DSCAML1: variants seen among roughly 807,000 people sequenced by gnomAD.
DSCAML1 encodes cell adhesion molecule DSCAML1.
In DSCAML1, 38 loss-of-function variants were observed where a neutral mutation model predicts 200.5. The ratio of observed to expected loss-of-function variants is 0.19; its 90% CI spans 0.15 to 0.25. The LOEUF is 0.25. Ranked by LOEUF, DSCAML1 falls within the 10% of genes least tolerant of loss-of-function variation. The probability of loss-of-function intolerance (pLI) is 1.00; values close to 1 mark genes in which losing one functional copy is unlikely to be tolerated. For missense variants in DSCAML1, 2,223 were observed against 2,858.8 expected (o/e 0.78, Z 5.07); for synonymous variants, 1,215 against 1,165.0 (o/e 1.04, Z -0.87).
intron 8 of DSCAML1, among the ~76,000 whole-genome samples, chr11:117,509,614 C>G (rs553093977): frequency 2.6e-5 from 4 of 152,318 alleles, no homozygotes; most frequent in African/African-American, 9.6e-5. Context: ...GGGATCATGG[C>G]TCCTCCACCA....
intron 3 of DSCAML1, among the ~76,000 whole-genome samples, chr11:117,767,488 T>C (rs2054919709): frequency 6.6e-6 from 1 of 152,192 alleles, no homozygotes; most frequent in Non-Finnish European, 1.5e-5. Context: ...TTTCTTGTAA[T>C]CACTAACCTG....
intron 16 of DSCAML1, among the ~76,000 whole-genome samples, chr11:117,467,300 C>A (rs1370999050): frequency 1.3e-5 from 2 of 151,886 alleles, no homozygotes; most frequent in East Asian, 3.9e-4. Context: ...TACTCCCAAC[C>A]AGATACATTT....
At chr11:117,810,562 C>T (rs2055752945) in intron 1 of DSCAML1, among the ~76,000 whole-genome samples, 2 of 152,212 alleles carry the variant, frequency 1.3e-5, no homozygotes, top group East Asian at 3.9e-4. Context: ...GGGCAAGCTT[C>T]CACCTTCCAT....
rs373865472 is a variant in DSCAML1 at position 117,438,087 on chromosome 11, C to A, written c.4244-4G>T. On this transcript the variant is annotated splice_region_variant and splice_polypyrimidine_tract_variant and intron_variant, in intron 24 of 32. Coordinates refer to ENST00000651296, the MANE Select transcript of DSCAML1 (RefSeq NM_020693.4). The stretch of plus-strand genomic sequence containing the variant: ...ACCGAGTACTGTAGCACGAAGCCTG[C>A]GGAGGGTAGGCCTGATTCAGGTGGG... 6 of 1,604,776 alleles carry A rather than the reference C, an allele frequency of 3.7e-6. No individual in the cohort carries two copies. Among genetic ancestry groups the A allele is most frequent in the Non-Finnish European group, 5.1e-6 (6 of 1,173,878 alleles).
chr11:117,507,401 G>A (rs2155394), intron 8 of DSCAML1, among the ~76,000 whole-genome samples: 64,071 of 151,994 alleles, frequency 0.42, 13,657 homozygotes, highest in South Asian at 0.55. Context: ...ATGGCCCTCC[G>A]CCCTCAGGGC....
At chr11:117,561,412 G>A (rs1168788093) in intron 3 of DSCAML1, among the ~76,000 whole-genome samples, 2 of 152,182 alleles carry the variant, frequency 1.3e-5, no homozygotes, top group Non-Finnish European at 2.9e-5. Context: ...CTGTGATTCT[G>A]CCACTCCTGC....
At position 117,505,369 on chromosome 11, in the gene DSCAML1, G is replaced by C; in HGVS notation, c.2062+85C>G. 1 of 1,533,454 alleles carries C rather than the reference G, an allele frequency of 6.5e-7. No homozygotes were observed. The highest frequency in any genetic ancestry group is 8.8e-7 in the Non-Finnish European group (1 of 1,138,396). The allele number at this position is 1,533,454 out of a possible 1,614,324, so 95.0% of individuals were successfully genotyped here. A position where few individuals can be genotyped will look rare whatever the true frequency, so the allele number is the denominator to read the frequency against. On this transcript the variant is annotated intron_variant, in intron 9 of 32. Transcript: ENST00000651296. The surrounding 1 kb of genome is among the most constrained non-coding windows in gnomAD (Gnocchi z 6.7). Reference sequence around the variant, plus strand: ...TGGAGCCCACCTTCCATGAGCCCGTGATTGGAACTGGAAATCTAGAGACTG... The same window carrying C: ...TGGAGCCCACCTTCCATGAGCCCGTCATTGGAACTGGAAATCTAGAGACTG...
chr11:117,759,190 A>C (rs2054753629), intron 3 of DSCAML1, among the ~76,000 whole-genome samples: 1 of 152,114 alleles, frequency 6.6e-6, no homozygotes, highest in African/African-American at 2.4e-5. Context: ...GTCTATAAGA[A>C]ATACCCAGGG....
At chr11:117,521,828 C>T (rs1200567130) in intron 5 of DSCAML1, among the ~76,000 whole-genome samples, 1 of 152,218 alleles carries the variant, frequency 6.6e-6, no homozygotes, top group Admixed American at 6.5e-5. Flanking sequence ...TTGCTATGTG[C>T]TGCTGGTCTG....
At chr11:117,455,218 T>C (rs1307253277) in intron 19 of DSCAML1, among the ~76,000 whole-genome samples, 2 of 152,338 alleles carry the variant, frequency 1.3e-5, no homozygotes, top group South Asian at 2.1e-4. Context: ...TTGCTGGAGA[T>C]AGAACTCCTC....
intron 3 of DSCAML1, among the ~76,000 whole-genome samples, chr11:117,690,334 G>C (rs2053474043): frequency 1.3e-5 from 2 of 152,212 alleles, no homozygotes; most frequent in Admixed American, 1.3e-4. Flanking sequence ...GTCTCACAAA[G>C]TTCCTGCCCC....
intron 4 of DSCAML1, among the ~76,000 whole-genome samples, chr11:117,526,044 A>G (rs2049971178): frequency 6.6e-6 from 1 of 152,222 alleles, no homozygotes; most frequent in Non-Finnish European, 1.5e-5. Flanking sequence ...TGTGGCCTGA[A>G]GCTGCAGAAA....
At chr11:117,730,068 G>A (rs1249411714) in intron 3 of DSCAML1, among the ~76,000 whole-genome samples, 2 of 152,152 alleles carry the variant, frequency 1.3e-5, no homozygotes, top group Non-Finnish European at 2.9e-5. Context: ...GCGTGGTGGT[G>A]TGCGCCTGTA....
intron 4 of DSCAML1, among the ~76,000 whole-genome samples, chr11:117,531,367 A>T (rs940422495): frequency 6.6e-6 from 1 of 152,140 alleles, no homozygotes; most frequent in Non-Finnish European, 1.5e-5. Context: ...CACACACCTC[A>T]CAGGGCTATG....
At position 117,643,711 on chromosome 11, in the gene DSCAML1, C is replaced by G. The variant is rs74746438; in HGVS notation, c.512-111189G>C. On this transcript the variant is annotated intron_variant, in intron 3 of 32. Transcript: ENST00000651296. ...AGGAGTGGGGGGTGCCCTCACTCCC[C>G]AGAAACAATGCTCGGGTGATCACCC... Among the ~76,000 whole-genome samples the G allele has an allele frequency of 5.9e-3, 892 of 152,222 alleles. 8 individuals are homozygous for G. The highest frequency in any genetic ancestry group is 0.019 in the African/African-American group (783 of 41,536).
chr11:117,439,124 C>A, intron 23 of DSCAML1, 141 bp from the exon 24 acceptor site: 1 of 1,363,316 alleles, frequency 7.3e-7, no homozygotes, highest in Non-Finnish European at 1.0e-6. Context: ...GCCTCCCCTT[C>A]CATGTGCACC....
Position 117,579,845 on chromosome 11 carries a change from TATATG to T in DSCAML1, c.512-47328_512-47324del, listed in dbSNP as rs571270094. Among the ~76,000 whole-genome samples the T allele has an allele frequency of 2.2e-3, 334 of 152,338 alleles. 3 individuals are homozygous for T. Among genetic ancestry groups the T allele is most frequent in the African/African-American group, 7.6e-3 (316 of 41,570 alleles). On this transcript the variant is annotated intron_variant, in intron 3 of 32. Coordinates refer to ENST00000651296, the MANE Select transcript of DSCAML1 (RefSeq NM_020693.4). ...GTAAGTTCCCTTCTAGTTCTAGAGGTATATGATATATTTAGAATCTTTAATAATTA... is the reference window on the plus strand; with the variant it reads ...GTAAGTTCCCTTCTAGTTCTAGAGGTATATATTTAGAATCTTTAATAATTA...
At chr11:117,493,197 C>G (rs1298021039) in intron 11 of DSCAML1, among the ~76,000 whole-genome samples, 1 of 152,188 alleles carries the variant, frequency 6.6e-6, no homozygotes, top group Non-Finnish European at 1.5e-5. Context: ...CTTACTTTGT[C>G]CAGCTTTAAA....
At chr11:117,530,603 G>A (rs1458864681) in intron 4 of DSCAML1, among the ~76,000 whole-genome samples, 2 of 152,164 alleles carry the variant, frequency 1.3e-5, no homozygotes, top group South Asian at 2.1e-4. Context: ...AGGGCCAGGC[G>A]CTGAAGACAC....
Sources: allele counts gnomAD v4.1 joint callset (sites outside exome capture counted in the v4.1 genomes callset), GRCh38; gene constraint gnomAD v4.1.1; non-coding constraint Gnocchi (gnomAD v3.1); transcripts MANE v1.5; gene names NCBI Gene and HGNC (gene_info 2026-07-23, HGNC 2026-07-21).